RNLS: variants seen among roughly 807,000 people sequenced by gnomAD.
RNLS encodes the protein renalase.
In RNLS, 39 loss-of-function variants were observed where a neutral mutation model predicts 39.8. The observed-to-expected ratio is 0.98, with a 90% CI of 0.76 to 1.28. RNLS has a LOEUF of 1.28. RNLS is among the 50% of genes most tolerant of loss of function. RNLS has a pLI of 0.00. For synonymous variants in RNLS, 147 were observed against 150.7 expected (o/e 0.98, Z 0.18); for missense variants, 410 against 413.3 (o/e 0.99, Z 0.07).
At chr10:88,439,234 G>T (rs1589794407) in intron 4 of RNLS, among the ~76,000 whole-genome samples, 1 of 152,132 alleles carries the variant, frequency 6.6e-6, no homozygotes. Flanking sequence ...ATCTCAAAGG[G>T]CTGCTAGTGG....
chr10:88,532,388 C>T (rs1448674637), intron 4 of RNLS, among the ~76,000 whole-genome samples: 1 of 151,918 alleles, frequency 6.6e-6, no homozygotes, highest in Non-Finnish European at 1.5e-5. Context: ...TACTAGTATA[C>T]TGCTCCTATG....
chr10:88,527,955 G>C (rs556378616), intron 4 of RNLS, among the ~76,000 whole-genome samples: 1 of 151,422 alleles, frequency 6.6e-6, no homozygotes, highest in African/African-American at 2.4e-5. Flanking sequence ...AATCATAAAA[G>C]AAAATTCAGC....
the RNLS span, among the ~76,000 whole-genome samples, chr10:88,251,363 G>T: frequency 4.6e-5 from 7 of 152,328 alleles, no homozygotes; most frequent in African/African-American, 1.7e-4. Flanking sequence ...AGAATGAGCA[G>T]CATGTGACTT....
At chr10:88,428,331 A>C (rs1182276362) in intron 4 of RNLS, among the ~76,000 whole-genome samples, 1 of 151,986 alleles carries the variant, frequency 6.6e-6, no homozygotes, top group African/African-American at 2.4e-5. Context: ...TAAATGCTTG[A>C]CTATAATGTG....
intron 6 of RNLS, among the ~76,000 whole-genome samples, chr10:88,289,220 C>G (rs970299200): frequency 1.3e-5 from 2 of 152,116 alleles, no homozygotes; most frequent in African/African-American, 4.8e-5. Flanking sequence ...ATATAAAATG[C>G]AAACGCCAAA....
intron 5 of RNLS, among the ~76,000 whole-genome samples, chr10:88,353,988 C>T (rs550030553): frequency 1.3e-5 from 2 of 152,160 alleles, no homozygotes; most frequent in Middle Eastern, 3.4e-3. Flanking sequence ...CTCTTTTGAT[C>T]TTTGTTGGTT....
chr10:88,495,790 C>T (rs1312922357), intron 4 of RNLS, among the ~76,000 whole-genome samples: 3 of 152,018 alleles, frequency 2.0e-5, no homozygotes, highest in Non-Finnish European at 2.9e-5. Flanking sequence ...ACAAGGAATC[C>T]GTGGTTAAAG....
At chr10:88,415,104 A>G (rs1358991108) in intron 4 of RNLS, among the ~76,000 whole-genome samples, 2 of 152,228 alleles carry the variant, frequency 1.3e-5, no homozygotes, top group Non-Finnish European at 2.9e-5. Flanking sequence ...TTGAACAAAG[A>G]TACTCCAGGG....
intron 4 of RNLS, among the ~76,000 whole-genome samples, chr10:88,466,239 C>G (rs1449186118): frequency 6.6e-6 from 1 of 151,848 alleles, no homozygotes; most frequent in Non-Finnish European, 1.5e-5. Context: ...GGGGAGACAG[C>G]TATCATTGAA....
chr10:88,248,790 T>G, the RNLS span, among the ~76,000 whole-genome samples: 21 of 152,118 alleles, frequency 1.4e-4, no homozygotes, highest in Non-Finnish European at 2.8e-4. Context: ...ACATGACAAA[T>G]GACCACCACA....
chr10:88,240,598 T>C, the RNLS span, among the ~76,000 whole-genome samples: 1 of 152,222 alleles, frequency 6.6e-6, no homozygotes, highest in South Asian at 2.1e-4. Context: ...CTCTTTTCTC[T>C]TCATTACAAC....
At chr10:88,397,770 T>C (rs1436447119) in intron 4 of RNLS, among the ~76,000 whole-genome samples, 3 of 151,296 alleles carry the variant, frequency 2.0e-5, no homozygotes, top group Non-Finnish European at 4.4e-5. Flanking sequence ...ACAGCTAAAA[T>C]AGCCAATACA....
chr10:88,214,087 G>A, the RNLS span, among the ~76,000 whole-genome samples: 1 of 152,126 alleles, frequency 6.6e-6, no homozygotes, highest in Non-Finnish European at 1.5e-5. Flanking sequence ...TAAGTCTCAA[G>A]TTTCATGGGC....
At chr10:88,389,776 G>T (rs1043314491) in intron 4 of RNLS, among the ~76,000 whole-genome samples, 2 of 152,160 alleles carry the variant, frequency 1.3e-5, no homozygotes, top group Admixed American at 1.3e-4. Context: ...GCTATTGGGG[G>T]ACTACAAGAT....
At chr10:88,519,899 C>G (rs1348302458) in intron 4 of RNLS, among the ~76,000 whole-genome samples, 4 of 151,822 alleles carry the variant, frequency 2.6e-5, no homozygotes, top group Admixed American at 6.6e-5. Context: ...CACTAATTTA[C>G]CACTGTAACT....
intron 4 of RNLS, among the ~76,000 whole-genome samples, chr10:88,467,461 C>T (rs573679601): frequency 2.6e-5 from 4 of 152,116 alleles, no homozygotes; most frequent in Admixed American, 1.3e-4. Flanking sequence ...TAACAACTAT[C>T]TTTAGACTTC....
intron 4 of RNLS, among the ~76,000 whole-genome samples, chr10:88,460,214 A>T (rs1842871729): frequency 6.6e-6 from 1 of 152,158 alleles, no homozygotes; most frequent in Non-Finnish European, 1.5e-5. Context: ...AAATCTCTTT[A>T]TTAGACAGGA....
chr10:88,543,041 G>A (rs889351203), intron 4 of RNLS, among the ~76,000 whole-genome samples: 1 of 152,068 alleles, frequency 6.6e-6, no homozygotes, highest in Non-Finnish European at 1.5e-5. Context: ...TTGTTTTTCA[G>A]TATGCTTTAA....
downstream of RNLS, among the ~76,000 whole-genome samples, chr10:88,272,220 A>G (rs1842669480): frequency 6.6e-6 from 1 of 152,196 alleles, no homozygotes; most frequent in South Asian, 2.1e-4. Context: ...TTTCCATCTG[A>G]AACCCAGTTT....
Sources: allele counts gnomAD v4.1 joint callset (sites outside exome capture counted in the v4.1 genomes callset), GRCh38; gene constraint gnomAD v4.1.1; transcripts MANE v1.5; gene names NCBI Gene and HGNC (gene_info 2026-07-23, HGNC 2026-07-21).